PLCH1: variants seen among roughly 807,000 people sequenced by gnomAD.
PLCH1 encodes 1-phosphatidylinositol 4,5-bisphosphate phosphodiesterase eta-1.
PLCH1 carries 60 observed loss-of-function variants against 126.7 expected under a neutral mutation model. The ratio of observed to expected loss-of-function variants is 0.47; its 90% CI spans 0.38 to 0.59. The LOEUF is 0.59. PLCH1 is among the 20% of genes least tolerant of loss of function. The pLI is 0.00. For missense variants in PLCH1, 1,723 were observed against 2,040.0 expected (o/e 0.84, Z 2.99); for synonymous variants, 719 against 734.9 (o/e 0.98, Z 0.35).
At chr3:155,726,697 C>CT (rs60339858) in intron 1 of PLCH1, among the ~76,000 whole-genome samples, 19,910 of 135,802 alleles carry the variant, frequency 0.15, 1,549 homozygotes, top group African/African-American at 0.18. Flanking sequence ...TGTTCAGATT[C>CT]TTTTTTTTTT....
intron 10 of PLCH1, among the ~76,000 whole-genome samples, chr3:155,542,320 G>T (rs1724429456): frequency 6.6e-6 from 1 of 152,356 alleles, no homozygotes; most frequent in African/African-American, 2.4e-5. Context: ...CAAGGCAGCA[G>T]CGAGGCTGGG....
intron 20 of PLCH1, 102 bp from the exon 21 acceptor site, chr3:155,488,209 T>A (rs1262958495): frequency 1.4e-6 from 1 of 728,232 alleles, no homozygotes; most frequent in African/African-American, 1.8e-5. Flanking sequence ...TAGTTCTTTT[T>A]TTTTTTGAGA....
At chr3:155,597,392 T>C (rs1481480212) in intron 2 of PLCH1, among the ~76,000 whole-genome samples, 1 of 152,218 alleles carries the variant, frequency 6.6e-6, no homozygotes, top group African/African-American at 2.4e-5. Context: ...GATCCCATTT[T>C]CCCCTTGATT....
At chr3:155,544,515 G>A (rs75087610) in intron 10 of PLCH1, among the ~76,000 whole-genome samples, 1 of 151,922 alleles carries the variant, frequency 6.6e-6, no homozygotes, top group South Asian at 2.1e-4. Flanking sequence ...AGGAATTGAA[G>A]TCAGCTCTGC....
rs1045931784 is a variant in PLCH1, at chr3:155,596,239, C to T, written c.219G>A (p.Lys73=). ...TTCAAAGATTTGTTTTACTTTTTGC[C>T]TTCTCACTCTTCCTAGAGGGTCGCC... ...LRWRPSRKSE[K]AKILIDSIYK... The change falls in exon 3 of 23, where the codon AAG becomes AAA. Residue 73 remains lysine (K), a synonymous_variant. Coordinates refer to ENST00000460012, the MANE Select transcript of PLCH1 (RefSeq NM_014996.4). 5 of 1,612,008 alleles carry T rather than the reference C, an allele frequency of 3.1e-6. No homozygotes were observed. The highest frequency in any genetic ancestry group is 2.2e-5 in the South Asian group (2 of 90,792).
At chr3:155,530,079 A>C (rs1461486403) in intron 10 of PLCH1, among the ~76,000 whole-genome samples, 1 of 152,016 alleles carries the variant, frequency 6.6e-6, no homozygotes, top group Non-Finnish European at 1.5e-5. Context: ...GACAAAAACT[A>C]AGTTTGCTCC....
At chr3:155,459,734 G>A (rs895505111) in intron 21 of PLCH1, among the ~76,000 whole-genome samples, 2 of 152,188 alleles carry the variant, frequency 1.3e-5, no homozygotes, top group Non-Finnish European at 1.5e-5. Flanking sequence ...ATGGGGATAT[G>A]GGGAGTTGAT....
rs2108510708 is a variant in PLCH1, at chr3:155,564,927, G to A, written c.1057C>T (p.Arg353Cys). 3.1e-6 allele frequency: 5 copies of A among 1,612,768 alleles called. No individual in the cohort carries two copies. Among genetic ancestry groups the A allele is most frequent in the African/African-American group, 1.3e-5 (1 of 74,992 alleles). ...AAAGTGCACGTACCTTCCACACAGC[G>A]ACAGCCCTCTTGCAGCACCCGTGCA... Reference protein sequence around the residue: ...MYARVLQEGCRCVEVDCWDGP... With the variant: ...MYARVLQEGCCCVEVDCWDGP... The change falls in exon 8 of 23, where the codon CGC becomes TGC. Residue 353 changes from arginine to cysteine, a missense_variant. Transcript: ENST00000460012.
At chr3:155,594,369 G>C (rs566984904) in intron 3 of PLCH1, among the ~76,000 whole-genome samples, 185 bp from the exon 4 acceptor site, 1 of 151,844 alleles carries the variant, frequency 6.6e-6, no homozygotes, top group Non-Finnish European at 1.5e-5. Context: ...TCAGGAGTTC[G>C]AGACCAGCCT....
intron 1 of PLCH1, among the ~76,000 whole-genome samples, chr3:155,740,422 A>G (rs112748406): frequency 0.095 from 14,192 of 149,510 alleles, 842 homozygotes; most frequent in Middle Eastern, 0.14. Flanking sequence ...AAAAAAAAAA[A>G]AAGAAGAAGA....
chr3:155,705,407 T>C (rs537054839), intron 1 of PLCH1, among the ~76,000 whole-genome samples: 44 of 152,202 alleles, frequency 2.9e-4, no homozygotes, highest in African/African-American at 8.9e-4. Context: ...TCCTCTTGCC[T>C]CATACCCACC....
At chr3:155,721,519 G>C (rs1257211315) in intron 1 of PLCH1, among the ~76,000 whole-genome samples, 1 of 152,064 alleles carries the variant, frequency 6.6e-6, no homozygotes, top group Admixed American at 6.6e-5. Flanking sequence ...CTTGGTCGCT[G>C]TTCATGTATA....
chr3:155,568,342 CT>C lies in PLCH1; in HGVS notation c.772-19del. The C allele has an allele frequency of 1.9e-6, 2 of 1,031,156 alleles. No homozygotes were observed. The highest frequency in any genetic ancestry group is 3.0e-6 in the Non-Finnish European group (2 of 663,524). The allele number at this position is 1,031,156 out of a possible 1,614,324, so 63.9% of individuals were successfully genotyped here. ...TTATTCATCTAAGAAAAACAGAATA[CT>C]AGTAGAGTACCTGCAATTTCATAAA... On this transcript the variant is annotated intron_variant, in intron 6 of 22. Transcript: ENST00000460012.
intron 21 of PLCH1, among the ~76,000 whole-genome samples, chr3:155,459,652 G>A (rs578040387): frequency 2.0e-5 from 3 of 152,240 alleles, no homozygotes; most frequent in South Asian, 2.1e-4. Flanking sequence ...TTTTCCAGGA[G>A]GGCCTGAGTA....
At chr3:155,667,902 TTAAAAA>T (rs1742928907) in intron 2 of PLCH1, among the ~76,000 whole-genome samples, 5 of 95,128 alleles carry the variant, frequency 5.3e-5, no homozygotes, top group African/African-American at 5.4e-5. Flanking sequence ...CCATCTCTAC[TTAAAAA>T]AAAAAAAAAA....
At chr3:155,470,928 G>T (rs971924695) in intron 21 of PLCH1, among the ~76,000 whole-genome samples, 2 of 151,810 alleles carry the variant, frequency 1.3e-5, no homozygotes, top group Admixed American at 1.3e-4. Context: ...TGAAGGAAGC[G>T]CTAAACATGG....
intron 18 of PLCH1, among the ~76,000 whole-genome samples, chr3:155,491,345 C>G (rs1346159458): frequency 6.6e-6 from 1 of 152,150 alleles, no homozygotes; most frequent in Non-Finnish European, 1.5e-5. Context: ...CTCATGGCAG[C>G]CTCCACCTCC....
intron 10 of PLCH1, among the ~76,000 whole-genome samples, chr3:155,534,606 A>C (rs969287073): frequency 5.9e-5 from 9 of 152,178 alleles, no homozygotes; most frequent in Admixed American, 3.9e-4. Context: ...TTGAAATGTG[A>C]GGACATGAGA....
intron 14 of PLCH1, among the ~76,000 whole-genome samples, 155 bp from the exon 15 acceptor site, chr3:155,497,572 T>C (rs1446387906): frequency 1.3e-5 from 2 of 152,192 alleles, no homozygotes; most frequent in Admixed American, 6.5e-5. Context: ...GTGTGCTTCC[T>C]AGTTCAGTGC....
Sources: gnomAD v4.1 joint callset for allele counts (sites outside exome capture counted in the v4.1 genomes callset) on GRCh38, gnomAD v4.1.1 for gene constraint, MANE v1.5 for transcripts, NCBI Gene and HGNC (gene_info 2026-07-23, HGNC 2026-07-21) for gene names.